Variants in NTM observed in about 807,000 individuals in gnomAD.
NTM encodes neurotrimin.
NTM carries 13 observed loss-of-function variants against 42.1 expected under a neutral mutation model. That is an observed-to-expected ratio of 0.31 (90% CI 0.20 to 0.49). The LOEUF (loss-of-function observed/expected upper bound fraction) is 0.49. Ranked by LOEUF, NTM falls within the 20% of genes least tolerant of loss-of-function variation. NTM has a pLI of 0.99. For missense variants in NTM, 373 were observed against 452.8 expected (o/e 0.82, Z 1.60); for synonymous variants, 187 against 179.2 (o/e 1.04, Z -0.35).
At chr11:132,149,736 G>C (rs1435527212) in intron 3 of NTM, among the ~76,000 whole-genome samples, 1 of 152,148 alleles carries the variant, frequency 6.6e-6, no homozygotes, top group African/African-American at 2.4e-5. Context: ...TAGGAGCAAA[G>C]GGCATCCTGG....
intron 1 of NTM, among the ~76,000 whole-genome samples, chr11:131,879,670 A>T (rs181614681): frequency 6.6e-6 from 1 of 152,322 alleles, no homozygotes; most frequent in East Asian, 1.9e-4. Context: ...CTTATTTGAA[A>T]AATATTGATT....
intron 2 of NTM, among the ~76,000 whole-genome samples, chr11:131,938,041 A>G (rs963110319): frequency 6.6e-6 from 1 of 152,192 alleles, no homozygotes; most frequent in African/African-American, 2.4e-5. Context: ...TCCTTCAGTC[A>G]TTTCTCTAAC....
chr11:131,451,871 C>T (rs960115591), intron 1 of NTM, among the ~76,000 whole-genome samples: 1 of 152,078 alleles, frequency 6.6e-6, no homozygotes, highest in African/African-American at 2.4e-5. Flanking sequence ...TTTGGGCTAC[C>T]AGGGCATGAA....
chr11:131,663,811 T>C lies in NTM; in HGVS notation c.83-247753T>C, dbSNP rs181042102. On this transcript the variant is annotated intron_variant, in intron 1 of 8. Transcript: ENST00000683400. Reference sequence around the variant, plus strand: ...AACAATACACACACACACACAGAGATTTCTTATTTTCAAAGTAATTCTATG... The same window carrying C: ...AACAATACACACACACACACAGAGACTTCTTATTTTCAAAGTAATTCTATG... 1.9e-3 allele frequency among the ~76,000 whole-genome samples: 286 copies of C among 152,220 alleles called. 1 individual carries two copies. Among genetic ancestry groups the C allele is most frequent in the African/African-American group, 6.1e-3 (252 of 41,504 alleles).
chr11:132,247,771 C>T lies in NTM; in HGVS notation c.526+35624C>T, dbSNP rs570883098. On this transcript the variant is annotated intron_variant, in intron 4 of 8. Transcript: ENST00000683400. ...CTCCTTTCCTTTCCTTTTGGATTTCCCTTCTTTTCTCTGTCTCTTTCTCTA... is the reference window on the plus strand; with the variant it reads ...CTCCTTTCCTTTCCTTTTGGATTTCTCTTCTTTTCTCTGTCTCTTTCTCTA... 4.6e-5 allele frequency among the ~76,000 whole-genome samples: 7 copies of T among 152,172 alleles called. No individual in the cohort carries two copies. In the East Asian group the frequency reaches 1.2e-3, roughly 25 times the overall value.
chr11:131,840,508 AT>A (rs2044098343), intron 1 of NTM, among the ~76,000 whole-genome samples: 1 of 152,168 alleles, frequency 6.6e-6, no homozygotes, highest in Admixed American at 6.5e-5. Context: ...CCTTGAGTCC[AT>A]TTTCAGATGT....
intron 1 of NTM, among the ~76,000 whole-genome samples, chr11:131,575,790 G>A (rs2057873930): frequency 6.6e-6 from 1 of 152,098 alleles, no homozygotes. Flanking sequence ...TGCAGCGCTT[G>A]GATGGCATTT....
intron 1 of NTM, among the ~76,000 whole-genome samples, chr11:131,659,332 T>C (rs577461914): frequency 6.6e-6 from 1 of 152,294 alleles, no homozygotes; most frequent in East Asian, 1.9e-4. Context: ...CACATCCTAG[T>C]GTGCAGGGTG....
At chr11:131,991,920 A>AT (rs2067096156) in intron 2 of NTM, among the ~76,000 whole-genome samples, 1 of 152,136 alleles carries the variant, frequency 6.6e-6, no homozygotes, top group African/African-American at 2.4e-5. Context: ...CAGAAGTCAT[A>AT]TTTTCATGAA....
chr11:131,677,050 C>A (rs1046526497), intron 1 of NTM, among the ~76,000 whole-genome samples: 1 of 152,118 alleles, frequency 6.6e-6, no homozygotes, highest in African/African-American at 2.4e-5. Context: ...TCAGATGTTG[C>A]CCAAATCACC....
intron 2 of NTM, among the ~76,000 whole-genome samples, chr11:132,076,112 C>T (rs2058330513): frequency 6.6e-6 from 1 of 152,204 alleles, no homozygotes. Flanking sequence ...TGTCTTCCAA[C>T]TGTAACCTGT....
At chr11:131,534,083 A>C (rs905338327) in intron 1 of NTM, 1 of 152,326 alleles carries the variant, frequency 6.6e-6, no homozygotes, top group African/African-American at 2.4e-5. Context: ...TCGTGAATTC[A>C]GCATTCAGTC....
At chr11:132,143,069 A>T (rs1416590151) in intron 2 of NTM, among the ~76,000 whole-genome samples, 1 of 152,168 alleles carries the variant, frequency 6.6e-6, no homozygotes, top group Admixed American at 6.5e-5. Flanking sequence ...GGGGAAGAAA[A>T]TAAAGGACTC....
intron 2 of NTM, among the ~76,000 whole-genome samples, chr11:132,023,189 A>G (rs1396158829): frequency 2.0e-5 from 3 of 152,156 alleles, no homozygotes; most frequent in African/African-American, 7.2e-5. Flanking sequence ...GTTATATCTC[A>G]TGGGGGACTG....
intron 1 of NTM, among the ~76,000 whole-genome samples, chr11:131,657,732 C>G (rs1270949668): frequency 2.6e-5 from 4 of 152,214 alleles, no homozygotes; most frequent in African/African-American, 9.7e-5. Context: ...GACCCACAAT[C>G]TTTTATCTGC....
At chr11:131,697,906 G>A (rs1008525890) in intron 1 of NTM, among the ~76,000 whole-genome samples, 8 of 152,120 alleles carry the variant, frequency 5.3e-5, no homozygotes, top group South Asian at 2.1e-4. Flanking sequence ...ACTAGAACTC[G>A]TGTGTGGCCT....
chr11:132,149,232 A>AAAAAAAAAC (rs2071307386), intron 3 of NTM, among the ~76,000 whole-genome samples: 1 of 11,952 alleles, frequency 8.4e-5, no homozygotes, highest in Non-Finnish European at 2.5e-4. Context: ...CCTGGATTAC[A>AAAAAAAAAC]AAAAAAAAAA....
At chr11:131,832,588 C>G (rs940296786) in intron 1 of NTM, among the ~76,000 whole-genome samples, 1 of 152,160 alleles carries the variant, frequency 6.6e-6, no homozygotes, top group Non-Finnish European at 1.5e-5. Flanking sequence ...GGATATGAGG[C>G]AGCTTAGTGT....
At chr11:131,778,141 A>G (rs1486376957) in intron 1 of NTM, among the ~76,000 whole-genome samples, 1 of 152,256 alleles carries the variant, frequency 6.6e-6, no homozygotes, top group Non-Finnish European at 1.5e-5. Context: ...CAATAATGTT[A>G]AGCACCTGTC....
Sources: allele counts gnomAD v4.1 joint callset (sites outside exome capture counted in the v4.1 genomes callset), GRCh38; gene constraint gnomAD v4.1.1; transcripts MANE v1.5; gene names NCBI Gene and HGNC (gene_info 2026-07-23, HGNC 2026-07-21).